The following HIF1AN variants were observed in gnomAD, a reference collection of about 807,000 sequenced individuals.
The protein encoded by HIF1AN is hypoxia inducible factor 1 subunit alpha inhibitor.
In HIF1AN, 21 loss-of-function variants were observed where a neutral mutation model predicts 47.7. The observed-to-expected ratio is 0.44, with a 90% CI of 0.31 to 0.63. HIF1AN has a LOEUF of 0.63. Ranked by LOEUF, HIF1AN falls within the 30% of genes least tolerant of loss-of-function variation. The pLI is 0.07. For synonymous variants in HIF1AN, 152 were observed against 155.9 expected (o/e 0.98, Z 0.18); for missense variants, 320 against 432.7 (o/e 0.74, Z 2.31).
At chr10:100,541,248 A>G (rs1843025061) in intron 3 of HIF1AN, among the ~76,000 whole-genome samples, 1 of 150,858 alleles carries the variant, frequency 6.6e-6, no homozygotes. Context: ...TAATAGGGCC[A>G]GGCATGGTAG....
chr10:100,536,444 T>C lies in HIF1AN; in HGVS notation c.211T>C (p.Tyr71His), dbSNP rs777143638. The C allele has an allele frequency of 2.5e-6, 4 of 1,614,170 alleles. No individual in the cohort carries two copies. Among genetic ancestry groups the C allele is most frequent in the Non-Finnish European group, 3.4e-6 (4 of 1,180,016 alleles). ...PVVLTDTNLV[Y>H]PALKWDLEYL... ...GGTGCTGACCGACACAAATCTTGTGTATCCTGCCCTGAAATGGGACCTTGA... is the reference window on the plus strand; with the variant it reads ...GGTGCTGACCGACACAAATCTTGTGCATCCTGCCCTGAAATGGGACCTTGA... Residue 71 changes from tyrosine to histidine, a missense_variant, in exon 2 of 8, where the codon TAT becomes CAT. By Grantham distance (83) the Tyr-to-His change is moderately conservative. Around this residue, in one of 2 missense-constraint regions of HIF1AN, gnomAD observed 159 missense variants for 159.9 expected, o/e 0.99. Transcript: ENST00000299163.
chr10:100,538,159 C>T (rs1852251187), intron 2 of HIF1AN, among the ~76,000 whole-genome samples: 1 of 152,168 alleles, frequency 6.6e-6, no homozygotes, highest in Non-Finnish European at 1.5e-5. Context: ...GAGCATTTTG[C>T]ATAAGAATGA....
chr10:100,559,667 C>A lies in HIF1AN; in HGVS notation c.*11530C>A, dbSNP rs1246372352. On this transcript the variant is annotated 3_prime_UTR_variant, in exon 8 of 8. Coordinates refer to ENST00000299163, the MANE Select transcript of HIF1AN (RefSeq NM_017902.3). ...CACCTGGGCTCAAGCAGTCCTGCCT[C>A]AGCCTCCCAAAGTTCTGGGATTACA... The A allele has an allele frequency of 1.3e-5, 2 of 152,240 alleles. No individual in the cohort carries two copies. The highest frequency in any genetic ancestry group is 2.9e-5 in the Non-Finnish European group (2 of 68,042). The allele number at this position is 152,240 out of a possible 1,614,324, so 9.4% of individuals were successfully genotyped here. A position where few individuals can be genotyped will look rare whatever the true frequency, so the allele number is the denominator to read the frequency against.
At position 100,545,109 on chromosome 10, in the gene HIF1AN, G is replaced by A. The variant is rs188783697; in HGVS notation, c.723+13G>A. 121 of 1,613,628 alleles carry A rather than the reference G, an allele frequency of 7.5e-5. No individual in the cohort carries two copies. In the African/African-American group the frequency reaches 1.4e-3, roughly 19 times the overall value. ...CAGACAGAGCCAGGTGAGCTTGTGT[G>A]GTCTGAGAAGGGTATAGAACTCTAG... On this transcript the variant is annotated intron_variant, in intron 4 of 7. Transcript: ENST00000299163.
At chr10:100,536,205 G>T (rs1852218137) in intron 1 of HIF1AN, 70 bp downstream of exon 1, 1 of 1,441,234 alleles carries the variant, frequency 6.9e-7, no homozygotes, top group African/African-American at 1.4e-5. Context: ...GGTGAATGGT[G>T]AAAGAGATGG....
rs1050682719 is a variant in HIF1AN at position 100,559,479 on chromosome 10, G to C, written c.*11342G>C. On this transcript the variant is annotated 3_prime_UTR_variant, in exon 8 of 8. Transcript: ENST00000299163. ...TTCGACGCAGGCTGGAGTGCAGTGG[G>C]GCAAGCATGGCTCACTGCAGCCTCA... The C allele has an allele frequency of 6.6e-6, 1 of 152,142 alleles. No homozygotes were observed. The highest frequency in any genetic ancestry group is 1.5e-5 in the Non-Finnish European group (1 of 68,028). 9.4% of individuals were successfully genotyped at this position (152,142 alleles called of 1,614,324 possible). A position where few individuals can be genotyped will look rare whatever the true frequency, so the allele number is the denominator to read the frequency against.
intron 2 of HIF1AN, among the ~76,000 whole-genome samples, chr10:100,538,312 G>A (rs978297092): frequency 3.3e-5 from 5 of 152,158 alleles, no homozygotes; most frequent in African/African-American, 9.7e-5. Context: ...AGGTTGTGGC[G>A]ACTATGGGGT....
intron 3 of HIF1AN, among the ~76,000 whole-genome samples, chr10:100,542,814 A>G (rs1396575036): frequency 1.4e-5 from 2 of 144,408 alleles, no homozygotes; most frequent in Non-Finnish European, 3.0e-5. Context: ...TGCTAGAGAA[A>G]TTTATGCATA....
chr10:100,545,262 C>A, intron 4 of HIF1AN, 166 bp downstream of exon 4: 1 of 666,894 alleles, frequency 1.5e-6, no homozygotes, highest in Non-Finnish European at 2.4e-6. Context: ...ATATTCCAGG[C>A]TCCCTGGAGT....
Position 100,555,090 on chromosome 10 carries a change from T to TGAATAATTAACCAGAGGTTG in HIF1AN, c.*6955_*6974dup, listed in dbSNP as rs1335086962. ...TAAGTCCAAGCTGATATGTGGAAGA[T>TGAATAATTAACCAGAGGTTG]GAATAATTAACCAGAGGTTGGGGGA... On this transcript the variant is annotated 3_prime_UTR_variant, in exon 8 of 8. Coordinates refer to ENST00000299163, the MANE Select transcript of HIF1AN (RefSeq NM_017902.3). 12 of 152,312 alleles carry TGAATAATTAACCAGAGGTTG rather than the reference T, an allele frequency of 7.9e-5. No individual in the cohort carries two copies. The highest frequency in any genetic ancestry group is 1.5e-4 in the Non-Finnish European group (10 of 68,026). 9.4% of individuals were successfully genotyped at this position (152,312 alleles called of 1,614,324 possible). A position where few individuals can be genotyped will look rare whatever the true frequency, so the allele number is the denominator to read the frequency against.
chr10:100,552,770 T>C lies in HIF1AN; in HGVS notation c.*4633T>C, dbSNP rs1843176640. ...GTCATCCCTGATCATCTTAGGGCCG[T>C]CTCCCTTTTCTGATTTTTGACAGCT... On this transcript the variant is annotated 3_prime_UTR_variant, in exon 8 of 8. Coordinates refer to ENST00000299163, the MANE Select transcript of HIF1AN (RefSeq NM_017902.3). 6.6e-6 allele frequency: 1 copy of C among 152,326 alleles called. No homozygotes were observed. The highest frequency in any genetic ancestry group is 6.5e-5 in the Admixed American group (1 of 15,284). The allele number at this position is 152,326 out of a possible 1,614,324, so 9.4% of individuals were successfully genotyped here. A position where few individuals can be genotyped will look rare whatever the true frequency, so the allele number is the denominator to read the frequency against.
intron 4 of HIF1AN, 128 bp downstream of exon 4, chr10:100,545,224 C>A: frequency 1.0e-6 from 1 of 955,278 alleles, no homozygotes; most frequent in African/African-American, 1.6e-5. Flanking sequence ...CCTTAACACA[C>A]CAAGAGGGTA....
chr10:100,546,717 A>G (rs1843097545), intron 6 of HIF1AN, 136 bp downstream of exon 6: 1 of 714,472 alleles, frequency 1.4e-6, no homozygotes, highest in Non-Finnish European at 2.4e-6. Flanking sequence ...GATGAAAGGG[A>G]CAGGATTGAA....
chr10:100,545,116 G>A lies in HIF1AN; in HGVS notation c.723+20G>A, dbSNP rs779322283. 2.4e-5 allele frequency: 39 copies of A among 1,612,994 alleles called. No individual in the cohort carries two copies. Among genetic ancestry groups the A allele is most frequent in the Non-Finnish European group, 3.2e-5 (38 of 1,179,260 alleles). ...AGCCAGGTGAGCTTGTGTGGTCTGA[G>A]AAGGGTATAGAACTCTAGATTCTAG... is the stretch of plus-strand genomic sequence containing the variant. On this transcript the variant is annotated intron_variant, in intron 4 of 7. Coordinates refer to ENST00000299163, the MANE Select transcript of HIF1AN (RefSeq NM_017902.3).
intron 2 of HIF1AN, among the ~76,000 whole-genome samples, chr10:100,539,657 A>C (rs750139397): frequency 2.0e-5 from 3 of 152,240 alleles, no homozygotes; most frequent in Non-Finnish European, 4.4e-5. Flanking sequence ...AGAAGGAAAG[A>C]GATGTGGTAG....
intron 6 of HIF1AN, 82 bp downstream of exon 6, chr10:100,546,663 G>C (rs1484531735): frequency 9.5e-7 from 1 of 1,048,418 alleles, no homozygotes; most frequent in Non-Finnish European, 1.5e-6. Flanking sequence ...ATTTTGGATG[G>C]GATGGTTGAC....
In HIF1AN at chr10:100,554,951, T is replaced by C. The variant is rs1015580705; in HGVS notation, c.*6814T>C. On this transcript the variant is annotated 3_prime_UTR_variant, in exon 8 of 8. Coordinates refer to ENST00000299163, the MANE Select transcript of HIF1AN (RefSeq NM_017902.3). ...CAGGCACTGTATTAGTTCGTCCCCA[T>C]GTGGTGCTCTCAGATCAGTAGGGGA... is the stretch of plus-strand genomic sequence containing the variant. The C allele has an allele frequency of 2.0e-5, 3 of 152,212 alleles. No individual in the cohort carries two copies. The highest frequency in any genetic ancestry group is 4.4e-5 in the Non-Finnish European group (3 of 68,054). 9.4% of individuals were successfully genotyped at this position (152,212 alleles called of 1,614,324 possible).
chr10:100,551,077 A>C lies in HIF1AN; in HGVS notation c.*2940A>C, dbSNP rs1843153594. 6.6e-6 allele frequency: 1 copy of C among 152,248 alleles called. No homozygotes were observed. The highest frequency in any genetic ancestry group is 6.5e-5 in the Admixed American group (1 of 15,288). The allele number at this position is 152,248 out of a possible 1,614,324, so 9.4% of individuals were successfully genotyped here. On this transcript the variant is annotated 3_prime_UTR_variant, in exon 8 of 8. Coordinates refer to ENST00000299163, the MANE Select transcript of HIF1AN (RefSeq NM_017902.3). ...CTCATCTATTCACACCAGCAGGTAC[A>C]GAGAAAACTAGTGTTTTGTAAAGTC... is the stretch of plus-strand genomic sequence containing the variant.
rs949204636 is a variant in HIF1AN, at chr10:100,545,071, A to G, written c.698A>G (p.His233Arg). ...GAGTGCCTCTACCCATACCCTGTTC[A>G]TCACCCATGTGACAGACAGAGCCAG... ...QFECLYPYPV[H>R]HPCDRQSQVD... The change falls in exon 4 of 8, where the codon CAT becomes CGT. Residue 233 changes from histidine to arginine, a missense_variant. Coordinates refer to ENST00000299163, the MANE Select transcript of HIF1AN (RefSeq NM_017902.3). 6.2e-7 allele frequency: 1 copy of G among 1,614,184 alleles called. No homozygotes were observed. The highest frequency in any genetic ancestry group is 1.3e-5 in the African/African-American group (1 of 75,052).
Sources: allele counts gnomAD v4.1 joint callset (sites outside exome capture counted in the v4.1 genomes callset), GRCh38; gene constraint gnomAD v4.1.1; regional missense constraint gnomAD v4.1.1; transcripts MANE v1.5; gene names NCBI Gene and HGNC (gene_info 2026-07-23, HGNC 2026-07-21).